The following EXOC6B variants were observed in gnomAD, a reference collection of about 807,000 sequenced individuals.
EXOC6B encodes the protein exocyst complex component 6B.
In EXOC6B, 54 loss-of-function variants were observed where a neutral mutation model predicts 113.5. The observed-to-expected ratio is 0.48, with a 90% confidence interval of 0.38 to 0.60. The LOEUF is 0.60. Among genes scored for constraint, EXOC6B ranks in the 20% least tolerant of loss-of-function variants. EXOC6B has a pLI of 0.00. For synonymous variants in EXOC6B, 357 were observed against 339.0 expected, an observed-to-expected ratio of 1.05 and a Z score of -0.58; for missense variants, 797 against 977.5, an observed-to-expected ratio of 0.82 and a Z score of 2.46.
chr2:72,229,597 G>A (rs1681477021), intron 20 of EXOC6B, among the ~76,000 whole-genome samples: 1 of 152,136 alleles, frequency 6.6e-6, no homozygotes, highest in Non-Finnish European at 1.5e-5. Context: ...AAAGGATGAA[G>A]AGAGAGACAA....
intron 6 of EXOC6B, among the ~76,000 whole-genome samples, chr2:72,580,871 G>A (rs1414224642): frequency 6.6e-6 from 1 of 152,204 alleles, no homozygotes; most frequent in Non-Finnish European, 1.5e-5. Context: ...TCCTTCCATA[G>A]TCAGTTCCAA....
At chr2:72,800,371 G>A (rs1182116890) in intron 1 of EXOC6B, among the ~76,000 whole-genome samples, 3 of 152,186 alleles carry the variant, frequency 2.0e-5, no homozygotes, top group Admixed American at 6.5e-5. Flanking sequence ...AGTGTAAAAA[G>A]CCAGAGTTCA....
At chr2:72,818,700 A>C (rs1005930822) in intron 1 of EXOC6B, among the ~76,000 whole-genome samples, 13 of 152,234 alleles carry the variant, frequency 8.5e-5, no homozygotes. Context: ...CCTTTCCATA[A>C]CATTTAGAAT....
At chr2:72,801,528 A>G (rs1356463769) in intron 1 of EXOC6B, among the ~76,000 whole-genome samples, 7 of 152,194 alleles carry the variant, frequency 4.6e-5, no homozygotes, top group African/African-American at 1.7e-4. Flanking sequence ...GACTGTCTCT[A>G]TCCTGCAGTA....
At chr2:72,234,165 C>G (rs924115304) in intron 20 of EXOC6B, among the ~76,000 whole-genome samples, 1 of 150,282 alleles carries the variant, frequency 6.7e-6, no homozygotes, top group Non-Finnish European at 1.5e-5. Flanking sequence ...CAGCTCACTG[C>G]AACCTCCGTC....
intron 11 of EXOC6B, among the ~76,000 whole-genome samples, chr2:72,501,618 T>C (rs1700322477): frequency 6.6e-6 from 1 of 151,948 alleles, no homozygotes; most frequent in Non-Finnish European, 1.5e-5. Flanking sequence ...AGTGTTTTTA[T>C]TGGGTCAGCT....
chr2:72,794,982 C>A (rs536253629), intron 1 of EXOC6B, among the ~76,000 whole-genome samples: 2 of 152,110 alleles, frequency 1.3e-5, no homozygotes, highest in African/African-American at 4.8e-5. Flanking sequence ...CACATGCAGT[C>A]GTCTAGAAAT....
At chr2:72,544,114 A>T (rs1702770528) in intron 8 of EXOC6B, among the ~76,000 whole-genome samples, 1 of 152,222 alleles carries the variant, frequency 6.6e-6, no homozygotes, top group South Asian at 2.1e-4. Context: ...TGAGATGGAA[A>T]ATAAAGTCCA....
intron 1 of EXOC6B, 136 bp from the exon 2 acceptor site, chr2:72,741,605 A>C (rs1309923865): frequency 2.6e-5 from 17 of 648,564 alleles, no homozygotes; most frequent in Non-Finnish European, 4.1e-5. Context: ...CCTTATTGTT[A>C]AATGAGTATT....
intron 6 of EXOC6B, among the ~76,000 whole-genome samples, chr2:72,694,014 A>C (rs1197223678): frequency 3.9e-5 from 6 of 152,202 alleles, no homozygotes; most frequent in African/African-American, 7.2e-5. Flanking sequence ...TGTTGTCTAC[A>C]TTGCTTTTGA....
At chr2:72,555,125 T>A (rs1034731900) in intron 8 of EXOC6B, among the ~76,000 whole-genome samples, 3 of 152,240 alleles carry the variant, frequency 2.0e-5, no homozygotes, top group Non-Finnish European at 4.4e-5. Flanking sequence ...ATGGTGTATA[T>A]GTGCCACATT....
At chr2:72,373,562 T>C (rs947841799) in intron 19 of EXOC6B, among the ~76,000 whole-genome samples, 1 of 152,080 alleles carries the variant, frequency 6.6e-6, no homozygotes, top group African/African-American at 2.4e-5. Flanking sequence ...CAAAATACTT[T>C]ATAGGAAAAA....
intron 18 of EXOC6B, among the ~76,000 whole-genome samples, chr2:72,438,853 G>A (rs1696034030): frequency 6.6e-6 from 1 of 152,142 alleles, no homozygotes; most frequent in Admixed American, 6.6e-5. Context: ...GCAAATATCA[G>A]AGAAATTGGC....
At chr2:72,776,290 A>G (rs183069959) in intron 1 of EXOC6B, among the ~76,000 whole-genome samples, 4 of 152,326 alleles carry the variant, frequency 2.6e-5, no homozygotes, top group Admixed American at 2.0e-4. Flanking sequence ...AGAAGCCACA[A>G]AGAAAAAGAC....
intron 1 of EXOC6B, among the ~76,000 whole-genome samples, chr2:72,779,898 A>G (rs1683925094): frequency 1.3e-5 from 2 of 152,228 alleles, no homozygotes; most frequent in South Asian, 4.1e-4. Context: ...GATGAAGACA[A>G]CGGAGGGAGA....
rs1268553100 is a variant in EXOC6B, at chr2:72,575,775, CT to C, written c.670-108del. 9.4e-6 allele frequency: 10 copies of C among 1,060,894 alleles called. No individual in the cohort carries two copies. The Admixed American group carries it at 2.7e-4, about 29-fold the overall frequency. 65.7% of individuals were successfully genotyped at this position (1,060,894 alleles called of 1,614,324 possible). Reference sequence around the variant, plus strand: ...AAAACTTAATTAAGCTTTCAACAAACTTCTAATTTTGAACAAATTGATATCT... The same window carrying C: ...AAAACTTAATTAAGCTTTCAACAAACTCTAATTTTGAACAAATTGATATCT... On this transcript the variant is annotated intron_variant, in intron 6 of 21. Coordinates refer to ENST00000272427, the MANE Select transcript of EXOC6B (RefSeq NM_015189.3).
At chr2:72,512,586 T>A (rs1573296802) in intron 11 of EXOC6B, among the ~76,000 whole-genome samples, 3 of 152,162 alleles carry the variant, frequency 2.0e-5, no homozygotes, top group African/African-American at 7.2e-5. Context: ...TATGAACTTT[T>A]TTTTTCAAAA....
chr2:72,823,494 A>C (rs1221427581), intron 1 of EXOC6B, among the ~76,000 whole-genome samples: 2 of 150,370 alleles, frequency 1.3e-5, no homozygotes, highest in Non-Finnish European at 3.0e-5. Flanking sequence ...AACAAAAAAA[A>C]AGACAGTGGC....
intron 10 of EXOC6B, 37 bp downstream of exon 10, chr2:72,514,597 A>G: frequency 4.8e-6 from 1 of 207,118 alleles, no homozygotes. Context: ...TAAATAAATA[A>G]ATAAATAAAT....
Sources: allele counts gnomAD v4.1 joint callset (sites outside exome capture counted in the v4.1 genomes callset), GRCh38; gene constraint gnomAD v4.1.1; transcripts MANE v1.5; gene names NCBI Gene and HGNC (gene_info 2026-07-23, HGNC 2026-07-21).